The following CREB3L1 variants were observed in gnomAD, a reference collection of about 807,000 sequenced individuals.
The protein encoded by CREB3L1 is cyclic AMP-responsive element-binding protein 3-like protein 1.
In CREB3L1, 33 loss-of-function variants were observed where a neutral mutation model predicts 54.5. The observed-to-expected ratio is 0.61, with a 90% CI of 0.46 to 0.81. The LOEUF is 0.81. Among genes scored for constraint, CREB3L1 ranks in the 30% least tolerant of loss-of-function variants. The pLI is 0.00. For missense variants in CREB3L1, 656 were observed against 673.3 expected (o/e 0.97, Z 0.29); for synonymous variants, 284 against 286.4 (o/e 0.99, Z 0.08).
In CREB3L1 at chr11:46,283,222, A is replaced by G. The variant is rs146625907; in HGVS notation, c.102+5009A>G. 3.3e-3 allele frequency among the ~76,000 whole-genome samples: 497 copies of G among 152,236 alleles called. 1 individual carries two copies. The highest frequency in any genetic ancestry group is 5.5e-3 in the Non-Finnish European group (374 of 68,002). ...TAATAATAATAATACAAATTTAAAA[A>G]TAAATTTTCCAATTACATAAAATGT... On this transcript the variant is annotated intron_variant, in intron 1 of 11. Transcript: ENST00000621158.
intron 2 of CREB3L1, among the ~76,000 whole-genome samples, chr11:46,300,859 C>T (rs7130962): frequency 2.1e-4 from 32 of 152,188 alleles, no homozygotes; most frequent in East Asian, 1.9e-4. Context: ...TTAAAAATTA[C>T]CCGGGGGTGG....
At chr11:46,307,158 A>C (rs1216115747) in intron 2 of CREB3L1, among the ~76,000 whole-genome samples, 1 of 152,108 alleles carries the variant, frequency 6.6e-6, no homozygotes, top group Admixed American at 6.6e-5. Context: ...GAGTACAGGC[A>C]TGAGCCACTG....
intron 1 of CREB3L1, among the ~76,000 whole-genome samples, chr11:46,285,376 C>A (rs1448328958): frequency 5.9e-5 from 9 of 152,070 alleles, no homozygotes; most frequent in Admixed American, 5.2e-4. Context: ...TCTGTGTAAC[C>A]CTCTTGAGCA....
At chr11:46,307,769 C>T in intron 2 of CREB3L1, 47 bp from the exon 3 acceptor site, 1 of 1,459,932 alleles carries the variant, frequency 6.8e-7, no homozygotes, top group Non-Finnish European at 9.1e-7. Flanking sequence ...AGGCAGGGGG[C>T]TGAGACCTCT....
chr11:46,320,611 C>T, intron 11 of CREB3L1, 83 bp downstream of exon 11: 2 of 1,547,364 alleles, frequency 1.3e-6, no homozygotes, highest in Non-Finnish European at 8.8e-7. Context: ...ATTGGCCACA[C>T]CCTCCCAAGG....
rs373074841 is a variant in CREB3L1, at chr11:46,286,331, C to T, written c.102+8118C>T. 3.2e-4 allele frequency among the ~76,000 whole-genome samples: 49 copies of T among 152,352 alleles called. No individual in the cohort carries two copies. In the South Asian group the frequency reaches 7.0e-3, roughly 22 times the overall value. On this transcript the variant is annotated intron_variant, in intron 1 of 11. Transcript: ENST00000621158. ...TAAAGTAGATTGCTTCATTCGTTCA[C>T]TCATTTGATTACTCAAATCGTGAAT... is the stretch of plus-strand genomic sequence containing the variant.
chr11:46,302,764 C>T (rs1939321776), intron 2 of CREB3L1, among the ~76,000 whole-genome samples: 1 of 152,114 alleles, frequency 6.6e-6, no homozygotes, highest in South Asian at 2.1e-4. Context: ...AGGCAGATCA[C>T]GAGGTCAGGA....
At chr11:46,284,655 CAA>C (rs10715929) in intron 1 of CREB3L1, among the ~76,000 whole-genome samples, 189 of 134,348 alleles carry the variant, frequency 1.4e-3, no homozygotes, top group Middle Eastern at 3.9e-3. Flanking sequence ...ACTCCATCTC[CAA>C]AAAAAAAAAA....
At position 46,300,178 on chromosome 11, in the gene CREB3L1, A is replaced by G; in HGVS notation, c.331+15A>G. ...CACCACCCAAGGTAAGAGGTGGAAG[A>G]ACCTGGGGACAGCACAGGCCCAGGA... On this transcript the variant is annotated intron_variant, in intron 2 of 11. Coordinates refer to ENST00000621158, the MANE Select transcript of CREB3L1 (RefSeq NM_052854.4). 6.3e-7 allele frequency: 1 copy of G among 1,595,526 alleles called. No individual in the cohort carries two copies. The highest frequency in any genetic ancestry group is 2.3e-5 in the East Asian group (1 of 44,382).
intron 8 of CREB3L1, chr11:46,316,057 A>G: frequency 2.2e-6 from 1 of 455,712 alleles, no homozygotes. Context: ...GGAGCATCAC[A>G]GGGCAGGCCT....
chr11:46,310,402 G>T (rs1939466375), intron 4 of CREB3L1, among the ~76,000 whole-genome samples: 1 of 151,886 alleles, frequency 6.6e-6, no homozygotes, highest in Non-Finnish European at 1.5e-5. Context: ...TAAGTACCTG[G>T]GATTACAGGT....
chr11:46,290,325 T>C (rs1939111708), intron 1 of CREB3L1, among the ~76,000 whole-genome samples: 1 of 151,916 alleles, frequency 6.6e-6, no homozygotes, highest in African/African-American at 2.4e-5. Context: ...AAAGCATGTC[T>C]CTATGAACCC....
At chr11:46,301,342 AAAT>A (rs1363484235) in intron 2 of CREB3L1, among the ~76,000 whole-genome samples, 3 of 152,060 alleles carry the variant, frequency 2.0e-5, no homozygotes, top group African/African-American at 4.8e-5. Context: ...TCCATCTCAA[AAAT>A]AATAATAACT....
chr11:46,301,004 C>CAAA (rs57840608), intron 2 of CREB3L1, among the ~76,000 whole-genome samples: 27 of 37,522 alleles, frequency 7.2e-4, no homozygotes, highest in African/African-American at 1.0e-3. Context: ...GACTCCATCT[C>CAAA]AAAAAAAAAA....
chr11:46,317,988 C>T (rs925929787), intron 10 of CREB3L1, among the ~76,000 whole-genome samples: 2 of 152,118 alleles, frequency 1.3e-5, no homozygotes, highest in African/African-American at 4.8e-5. Flanking sequence ...GAGGCCGAGG[C>T]GGTGGATCAC....
intron 2 of CREB3L1, 86 bp downstream of exon 2, chr11:46,300,249 C>A: frequency 9.8e-7 from 1 of 1,017,016 alleles, no homozygotes; most frequent in South Asian, 1.4e-5. Context: ...AGTGTGCCTG[C>A]AGCCTGAGAC....
At position 46,295,402 on chromosome 11, in the gene CREB3L1, G is replaced by C. The variant is rs567757365; in HGVS notation, c.103-4533G>C. 6.6e-6 allele frequency: 1 copy of C among 152,316 alleles called. No homozygotes were observed. Among genetic ancestry groups the C allele is most frequent in the Non-Finnish European group, 1.5e-5 (1 of 68,084 alleles). 9.4% of individuals were successfully genotyped at this position (152,316 alleles called of 1,614,324 possible). ...GCTCGCCCTTTGAGTCGGGGTCGTCGGGGAGACCCTCGGTCTCCACTTCTC... is the reference window on the plus strand; with the variant it reads ...GCTCGCCCTTTGAGTCGGGGTCGTCCGGGAGACCCTCGGTCTCCACTTCTC... On this transcript the variant is annotated intron_variant, in intron 1 of 11. Coordinates refer to ENST00000621158, the MANE Select transcript of CREB3L1 (RefSeq NM_052854.4). This position sits in a 1 kb window ranked among gnomAD's most constrained non-coding sequence, Gnocchi z 4.6.
chr11:46,285,709 C>T (rs1320646705), intron 1 of CREB3L1, among the ~76,000 whole-genome samples: 3 of 152,080 alleles, frequency 2.0e-5, no homozygotes, highest in Admixed American at 6.5e-5. Flanking sequence ...GCCGTTGGCT[C>T]GTGGCTCGTG....
chr11:46,279,433 G>A (rs1193070218), intron 1 of CREB3L1, among the ~76,000 whole-genome samples: 1 of 152,104 alleles, frequency 6.6e-6, no homozygotes, highest in African/African-American at 2.4e-5. Flanking sequence ...GTCACCCTGC[G>A]CTCTGAGGAA....
Sources: allele counts gnomAD v4.1 joint callset (sites outside exome capture counted in the v4.1 genomes callset), GRCh38; gene constraint gnomAD v4.1.1; non-coding constraint Gnocchi (gnomAD v3.1); transcripts MANE v1.5; gene names NCBI Gene and HGNC (gene_info 2026-07-23, HGNC 2026-07-21).